The following DAZAP2 variants were observed in gnomAD, a reference collection of about 807,000 sequenced individuals.
The protein encoded by DAZAP2 is DAZ-associated protein 2.
Under a neutral mutation model 16.2 loss-of-function variants are expected in DAZAP2, and 3 were observed. The observed-to-expected ratio is 0.19, with a 90% confidence interval of 0.08 to 0.48. DAZAP2 has a LOEUF of 0.48. Among genes scored for constraint, DAZAP2 ranks in the 20% least tolerant of loss-of-function variants. The probability of loss-of-function intolerance (pLI) is 0.98; values close to 1 mark genes in which losing one functional copy is unlikely to be tolerated. For missense variants in DAZAP2, 172 were observed against 215.9 expected (o/e 0.80, Z 1.27); for synonymous variants, 69 against 77.6 (o/e 0.89, Z 0.58).
chr12:51,241,173 T>C lies in DAZAP2; in HGVS notation c.378+57T>C, dbSNP rs1227985817. 5 of 1,590,844 alleles carry C rather than the reference T, an allele frequency of 3.1e-6. No homozygotes were observed. In the African/African-American group the frequency reaches 5.4e-5, roughly 17 times the overall value. Reference sequence around the variant, plus strand: ...CCTTGTGTATTTTAACTTTCTGAAATGACTTCATATTCATTCTCTTACCAT... The same window carrying C: ...CCTTGTGTATTTTAACTTTCTGAAACGACTTCATATTCATTCTCTTACCAT... On this transcript the variant is annotated intron_variant, in intron 3 of 3. Transcript: ENST00000412716.
rs562010862 is a variant in DAZAP2 at position 51,238,892 on chromosome 12, C to G, written c.-16C>G. The G allele has an allele frequency of 6.2e-7, 1 of 1,613,426 alleles. No homozygotes were observed. The highest frequency in any genetic ancestry group is 2.2e-5 in the East Asian group (1 of 44,866). ...AACCGTCCGCGACGCCGAGACAAAC[C>G]GGACCCGCAACCACCATGAACAGCA... On this transcript the variant is annotated 5_prime_UTR_variant, in exon 1 of 4. Coordinates refer to ENST00000412716, the MANE Select transcript of DAZAP2 (RefSeq NM_014764.4).
rs1285769522 is a variant in DAZAP2 at position 51,243,204 on chromosome 12, G to A, written c.*746G>A. 17 of 985,716 alleles carry A rather than the reference G, an allele frequency of 1.7e-5. No homozygotes were observed. Among genetic ancestry groups the A allele is most frequent in the South Asian group, 4.7e-5 (1 of 21,288 alleles). The allele number at this position is 985,716 out of a possible 1,614,324, so 61.1% of individuals were successfully genotyped here. A position where few individuals can be genotyped will look rare whatever the true frequency, so the allele number is the denominator to read the frequency against. On this transcript the variant is annotated 3_prime_UTR_variant, in exon 4 of 4. Transcript: ENST00000412716. ...CCTCATAGGTTGTCTCTGCATACAC[G>A]AACCTAACCCAAATTTGCTTTGGTG...
downstream of DAZAP2, chr12:51,246,175 G>A: frequency 6.3e-7 from 1 of 1,586,142 alleles, no homozygotes; most frequent in African/African-American, 1.4e-5. Flanking sequence ...TGTCTCAGTA[G>A]TTCCTGGAGT....
chr12:51,246,178 C>T (rs2137292463), downstream of DAZAP2: 2 of 1,585,728 alleles, frequency 1.3e-6, no homozygotes, highest in Non-Finnish European at 1.7e-6. Flanking sequence ...CTCAGTAGTT[C>T]CTGGAGTCAT....
rs11555475 is a variant in DAZAP2, at chr12:51,242,410, G to A, written c.459G>A (p.Lys153=). The change falls in exon 4 of 4, where the codon AAG becomes AAA. Residue 153 remains lysine, a synonymous_variant. Coordinates refer to ENST00000412716, the MANE Select transcript of DAZAP2 (RefSeq NM_014764.4). ...QGANVLVTQR[K]GNFFMGGSDG... ...CCAACGTCCTCGTAACTCAGCGGAA[G>A]GGGAACTTCTTCATGGGTGGTTCAG... The A allele has an allele frequency of 1.3e-3, 2,100 of 1,614,152 alleles. 7 individuals carry two copies. The highest frequency in any genetic ancestry group is 1.1e-3 in the Non-Finnish European group (1,295 of 1,180,022).
intron 3 of DAZAP2, among the ~76,000 whole-genome samples, chr12:51,241,462 A>T (rs1944676352): frequency 6.6e-6 from 1 of 152,190 alleles, no homozygotes; most frequent in African/African-American, 2.4e-5. Context: ...ATGGTGTTGC[A>T]CTAGGAACCC....
In DAZAP2 at chr12:51,240,901, G is replaced by A; in HGVS notation, c.163G>A (p.Ala55Thr). Residue 55 changes from alanine (A) to threonine (T), a missense_variant, in exon 3 of 4, where the codon GCT becomes ACT. Ala to Thr is a moderately conservative substitution (Grantham distance 58). Transcript: ENST00000412716. Reference protein sequence around the residue: ...LYRPSFVHPGAATVPTMSAAF... With the variant: ...LYRPSFVHPGTATVPTMSAAF... ...TCGTCCGAGCTTTGTGCACCCAGGG[G>A]CTGCCACAGTCCCCACCATGTCAGC... 6.2e-7 allele frequency: 1 copy of A among 1,614,110 alleles called. No homozygotes were observed.
intron 1 of DAZAP2, chr12:51,239,168 G>A (rs556724277): frequency 7.7e-5 from 41 of 533,162 alleles, no homozygotes; most frequent in Non-Finnish European, 1.0e-4. Flanking sequence ...GGTGGTGGGG[G>A]GGCTTGACAT....
Position 51,242,470 on chromosome 12 carries a change from C to T in DAZAP2, c.*12C>T. 6.2e-7 allele frequency: 1 copy of T among 1,614,040 alleles called. No homozygotes were observed. The highest frequency in any genetic ancestry group is 8.5e-7 in the Non-Finnish European group (1 of 1,180,034). On this transcript the variant is annotated 3_prime_UTR_variant, in exon 4 of 4. Transcript: ENST00000412716. Reference sequence around the variant, plus strand: ...ACACCATCTGGTGAGGAACCAAGGCCACCTCTGTGCCGGGAAAGACATCAC... The same window carrying T: ...ACACCATCTGGTGAGGAACCAAGGCTACCTCTGTGCCGGGAAAGACATCAC...
At chr12:51,246,522 G>A (rs577420978), downstream of DAZAP2, 25 of 455,512 alleles carry the variant, frequency 5.5e-5, no homozygotes, top group African/African-American at 4.0e-4. Context: ...TGTAACGTCC[G>A]TATGCATATC....
At position 51,243,305 on chromosome 12, in the gene DAZAP2, A is replaced by C. The variant is rs1944714923; in HGVS notation, c.*847A>C. ...TGAACAACAGTTGGTTTAAAATATGAGGGGCAAGGAGGAGGATGCATTTCA... is the reference window on the plus strand; with the variant it reads ...TGAACAACAGTTGGTTTAAAATATGCGGGGCAAGGAGGAGGATGCATTTCA... On this transcript the variant is annotated 3_prime_UTR_variant, in exon 4 of 4. Transcript: ENST00000412716. The C allele has an allele frequency of 1.0e-6, 1 of 985,718 alleles. No individual in the cohort carries two copies. The highest frequency in any genetic ancestry group is 4.7e-5 in the South Asian group (1 of 21,290). 61.1% of individuals were successfully genotyped at this position (985,718 alleles called of 1,614,324 possible). A position where few individuals can be genotyped will look rare whatever the true frequency, so the allele number is the denominator to read the frequency against.
downstream of DAZAP2, chr12:51,245,918 A>T (rs751555523): frequency 1.9e-6 from 3 of 1,602,874 alleles, no homozygotes; most frequent in South Asian, 3.3e-5. Flanking sequence ...GCCAGGAATA[A>T]GCTCCTTGGG....
intron 1 of DAZAP2, 47 bp from the exon 2 acceptor site, chr12:51,240,296 G>T (rs1195338494): frequency 6.7e-7 from 1 of 1,483,234 alleles, no homozygotes; most frequent in Non-Finnish European, 9.4e-7. Flanking sequence ...GCCTCATTTT[G>T]GTAGCTCTGT....
rs1130598 is a variant in DAZAP2, at chr12:51,243,120, G to C, written c.*662G>C. 0.63 allele frequency: 625,262 copies of C among 986,018 alleles called. 199,023 individuals are homozygous for C. Among genetic ancestry groups the C allele is most frequent in the Non-Finnish European group, 0.65 (536,357 of 830,462 alleles). The allele number at this position is 986,018 out of a possible 1,614,324, so 61.1% of individuals were successfully genotyped here. A position where few individuals can be genotyped will look rare whatever the true frequency, so the allele number is the denominator to read the frequency against. The stretch of plus-strand genomic sequence containing the variant: ...CCCTCTCTGTGCCCCAAGTACAGAT[G>C]CCATTACTTCTGCTTTCGTATCTCC... On this transcript the variant is annotated 3_prime_UTR_variant, in exon 4 of 4. Transcript: ENST00000412716.
At chr12:51,246,404 G>A (rs1944770271), downstream of DAZAP2, 1 of 473,284 alleles carries the variant, frequency 2.1e-6, no homozygotes, top group South Asian at 3.9e-5. Flanking sequence ...GGGAAGGAGG[G>A]AACAGGAAAT....
In DAZAP2 at chr12:51,243,265, G is replaced by A. The variant is rs530580240; in HGVS notation, c.*807G>A. 138 of 985,886 alleles carry A rather than the reference G, an allele frequency of 1.4e-4. 1 individual carries two copies. The African/African-American group carries it at 2.0e-3, about 14-fold the overall frequency. 61.1% of individuals were successfully genotyped at this position (985,886 alleles called of 1,614,324 possible). A position where few individuals can be genotyped will look rare whatever the true frequency, so the allele number is the denominator to read the frequency against. The stretch of plus-strand genomic sequence containing the variant: ...TGAGCTATGTTTGAACAAAGATGTC[G>A]TGCAAACTGTACTGTGAACAACAGT... On this transcript the variant is annotated 3_prime_UTR_variant, in exon 4 of 4. Transcript: ENST00000412716.
downstream of DAZAP2, chr12:51,246,052 C>G: frequency 1.2e-6 from 2 of 1,613,940 alleles, no homozygotes; most frequent in African/African-American, 1.3e-5. Context: ...TGCCTTTGTT[C>G]TTGTACAGGT....
Position 51,242,827 on chromosome 12 carries a change from G to A in DAZAP2, c.*369G>A. ...TTTGATCTTCCTAAGAATTAAAGTTGCCAAATTATTCTGATTGGTCTTTAA... is the reference window on the plus strand; with the variant it reads ...TTTGATCTTCCTAAGAATTAAAGTTACCAAATTATTCTGATTGGTCTTTAA... On this transcript the variant is annotated 3_prime_UTR_variant, in exon 4 of 4. Transcript: ENST00000412716. 1 of 1,388,078 alleles carries A rather than the reference G, an allele frequency of 7.2e-7. No homozygotes were observed. 86.0% of individuals were successfully genotyped at this position (1,388,078 alleles called of 1,614,324 possible).
At chr12:51,244,999 A>AGCTATTTTTTTTT (rs1944747478), downstream of DAZAP2, 1 of 150,504 alleles carries the variant, frequency 6.6e-6, no homozygotes, top group South Asian at 2.1e-4. Flanking sequence ...TATTTTTTTT[A>AGCTATTTTTTTTT]TATATTTTTA....
Sources: gnomAD v4.1 joint callset for allele counts (sites outside exome capture counted in the v4.1 genomes callset) on GRCh38, gnomAD v4.1.1 for gene constraint, MANE v1.5 for transcripts, NCBI Gene and HGNC (gene_info 2026-07-23, HGNC 2026-07-21) for gene names.